FRMPD3: variants seen among roughly 807,000 people sequenced by gnomAD.
FRMPD3 encodes the protein FERM and PDZ domain containing 3.
In FRMPD3, 42 loss-of-function variants were observed where a neutral mutation model predicts 97.9. The observed-to-expected ratio is 0.43, with a 90% CI of 0.34 to 0.55. The LOEUF (loss-of-function observed/expected upper bound fraction) is 0.55, where lower values mean the gene tolerates loss of function less well. FRMPD3 is among the 20% of genes least tolerant of loss of function. The probability of loss-of-function intolerance (pLI) is 0.03; values close to 1 mark genes in which losing one functional copy is unlikely to be tolerated. For missense variants in FRMPD3, 1,303 were observed against 1,457.7 expected, an observed-to-expected ratio of 0.89 and a Z score of 1.73; for synonymous variants, 577 against 581.1, an observed-to-expected ratio of 0.99 and a Z score of 0.10.
intron 4 of FRMPD3, among the ~76,000 whole-genome samples, chrX:107,539,969 C>T (rs1414467544): frequency 3.6e-5 from 4 of 111,466 alleles, no homozygotes; most frequent in Non-Finnish European, 7.5e-5. Flanking sequence ...GTCAAAGGGA[C>T]ACTCTAGACC....
rs772094352 is a variant in FRMPD3, at chrX:107,472,360, G to A, written c.-8+22355G>A. 4.5e-5 allele frequency among the ~76,000 whole-genome samples: 5 copies of A among 111,409 alleles called. No homozygotes were observed. The East Asian group carries it at 1.4e-3, about 31-fold the overall frequency. ...TTGCTTTTGGTGTTTTAGTCATGAA[G>A]TCTTTGCCCATGCCTATGTCCTGAA... On this transcript the variant is annotated intron_variant, in intron 1 of 14. Coordinates refer to ENST00000683843, the MANE Select transcript of FRMPD3 (RefSeq NM_001388459.1).
At chrX:107,515,449 C>G (rs139542116) in intron 1 of FRMPD3, among the ~76,000 whole-genome samples, 2,875 of 110,826 alleles carry the variant, frequency 0.026, 87 homozygotes, top group African/African-American at 0.088. Flanking sequence ...GAGGCCAATG[C>G]GGACCTTAAC....
At chrX:107,594,203 T>A (rs933950312) in intron 13 of FRMPD3, among the ~76,000 whole-genome samples, 1 of 112,028 alleles carries the variant, frequency 8.9e-6, no homozygotes, top group African/African-American at 3.2e-5. Flanking sequence ...TTGTGTACAT[T>A]GATTTTGTAT....
intron 12 of FRMPD3, among the ~76,000 whole-genome samples, chrX:107,572,757 C>A (rs1269633985): frequency 9.2e-6 from 1 of 109,112 alleles, no homozygotes; most frequent in Non-Finnish European, 1.9e-5. Flanking sequence ...ATAAAAAAGC[C>A]TTCAGGGTCA....
At chrX:107,476,951 G>A (rs1921214891) in intron 1 of FRMPD3, among the ~76,000 whole-genome samples, 1 of 111,983 alleles carries the variant, frequency 8.9e-6, no homozygotes, top group South Asian at 3.7e-4. Flanking sequence ...CCGTTGGCTG[G>A]GATTACTTCA....
chrX:107,510,795 G>A (rs973842898), intron 1 of FRMPD3, among the ~76,000 whole-genome samples: 6 of 112,200 alleles, frequency 5.3e-5, no homozygotes, highest in Non-Finnish European at 9.4e-5. Context: ...AGTTTACCAG[G>A]CCTCTGTTCA....
At position 107,604,953 on chromosome X, in the gene FRMPD3, C is replaced by T. The variant is rs141022455; in HGVS notation, c.*1580C>T. 774 of 110,076 alleles carry T rather than the reference C, an allele frequency of 7.0e-3. 5 individuals are homozygous for T. Among genetic ancestry groups the T allele is most frequent in the Non-Finnish European group, 0.011 (568 of 52,789 alleles). 9.1% of individuals were successfully genotyped at this position (110,076 alleles called of 1,213,427 possible). A position where few individuals can be genotyped will look rare whatever the true frequency, so the allele number is the denominator to read the frequency against. ...CCCTCACTTCCTTGCTTCTCCTCCC[C>T]CAGGACCAAGTTGTTGAATGGGCCA... On this transcript the variant is annotated 3_prime_UTR_variant, in exon 15 of 15. Coordinates refer to ENST00000683843, the MANE Select transcript of FRMPD3 (RefSeq NM_001388459.1).
At chrX:107,488,776 C>T in intron 1 of FRMPD3, among the ~76,000 whole-genome samples, 1 of 111,064 alleles carries the variant, frequency 9.0e-6, no homozygotes, top group African/African-American at 3.3e-5. Context: ...AAAAAACAAA[C>T]AAACAAACAA....
intron 13 of FRMPD3, among the ~76,000 whole-genome samples, chrX:107,578,210 A>G (rs1259742234): frequency 8.9e-6 from 1 of 111,941 alleles, no homozygotes; most frequent in Non-Finnish European, 1.9e-5. Context: ...GTGACAGTGA[A>G]GATTATTTGG....
chrX:107,571,175 G>A (rs1283774120), intron 12 of FRMPD3, among the ~76,000 whole-genome samples: 1 of 111,969 alleles, frequency 8.9e-6, no homozygotes, highest in Non-Finnish European at 1.9e-5. Flanking sequence ...TTGTGGCCCA[G>A]TATGTGTCCT....
intron 13 of FRMPD3, among the ~76,000 whole-genome samples, chrX:107,592,872 G>A (rs758737200): frequency 1.8e-4 from 18 of 97,582 alleles, no homozygotes; most frequent in East Asian, 3.2e-4. Flanking sequence ...TCCACCTTCC[G>A]TGTTCAAGCC....
At chrX:107,554,348 AT>A (rs772630287) in intron 7 of FRMPD3, 36 bp from the exon 8 acceptor site, 1 of 1,190,212 alleles carries the variant, frequency 8.4e-7, no homozygotes, top group Non-Finnish European at 1.1e-6. Flanking sequence ...TTGATTCCAG[AT>A]CTCTTTTCTT....
chrX:107,573,276 G>C (rs1262649123), intron 12 of FRMPD3, among the ~76,000 whole-genome samples: 1 of 110,998 alleles, frequency 9.0e-6, no homozygotes, highest in Non-Finnish European at 1.9e-5. Context: ...AGTAGGGATG[G>C]CCGCGATGTG....
At chrX:107,450,035 C>G (rs1286236210) in intron 1 of FRMPD3, among the ~76,000 whole-genome samples, 30 bp downstream of exon 1, 2 of 110,454 alleles carry the variant, frequency 1.8e-5, no homozygotes, top group Non-Finnish European at 3.8e-5. Flanking sequence ...CAGGGGGGCG[C>G]GCCCGCTGTC....
In FRMPD3 at chrX:107,592,367, T is replaced by C. The variant is rs916298920; in HGVS notation, c.1442-4954T>C. 2.7e-5 allele frequency among the ~76,000 whole-genome samples: 3 copies of C among 111,879 alleles called. No homozygotes were observed. The Admixed American group carries it at 2.9e-4, about 11-fold the overall frequency. ...ATGTGTCCAATCTCATCAACCACAT[T>C]AAAAAAATTTTTTAATATTCATTTA... On this transcript the variant is annotated intron_variant, in intron 13 of 14. Transcript: ENST00000683843.
intron 8 of FRMPD3, among the ~76,000 whole-genome samples, chrX:107,557,310 T>C (rs769610706): frequency 2.7e-5 from 3 of 111,646 alleles, no homozygotes; most frequent in Admixed American, 9.5e-5. Flanking sequence ...TGCTTTTTTA[T>C]TGGGTTGTTT....
chrX:107,530,232 C>CA (rs1922878101), intron 2 of FRMPD3, among the ~76,000 whole-genome samples, 177 bp from the exon 3 acceptor site: 1 of 112,166 alleles, frequency 8.9e-6, no homozygotes. Context: ...GCAGCAGCAG[C>CA]GGCAGCAACA....
chrX:107,602,228 A>G lies in FRMPD3; in HGVS notation c.4189A>G (p.Ile1397Val), dbSNP rs1482751489. ...NYRKLMRRYSISELDQGDRAS... is the reference protein window; with the variant it reads ...NYRKLMRRYSVSELDQGDRAS... Reference sequence around the variant, plus strand: ...CAGGAAACTGATGCGCCGCTACAGTATCAGTGAGCTGGACCAGGGTGACAG... The same window carrying G: ...CAGGAAACTGATGCGCCGCTACAGTGTCAGTGAGCTGGACCAGGGTGACAG... Residue 1397 changes from isoleucine (I) to valine (V), a missense_variant, in exon 15 of 15, where the codon ATC (isoleucine) becomes GTC (valine). Ile to Val is a conservative substitution (Grantham distance 29, BLOSUM62 3). This residue lies in a region of FRMPD3 where 764 missense variants were observed against 820.2 expected (regional missense o/e 0.93). Coordinates refer to ENST00000683843, the MANE Select transcript of FRMPD3 (RefSeq NM_001388459.1). 2 of 1,210,133 alleles carry G rather than the reference A, an allele frequency of 1.7e-6. No individual in the cohort carries two copies. The highest frequency in any genetic ancestry group is 3.0e-5 in the East Asian group (1 of 33,834).
rs1357089495 is a variant in FRMPD3 at position 107,597,421 on chromosome X, C to T, written c.1542C>T (p.Ser514=). The T allele has an allele frequency of 1.7e-6, 2 of 1,208,915 alleles. No individual in the cohort carries two copies. Among genetic ancestry groups the T allele is most frequent in the African/African-American group, 3.5e-5 (2 of 57,216 alleles). ...GSVGTSPRKS[S]RCTPPPADSE... is the part of the protein sequence containing the mutation. The stretch of plus-strand genomic sequence containing the variant: ...TGGGCACCAGCCCCAGGAAATCGAG[C>T]CGCTGCACGCCCCCACCTGCCGACT... Residue 514 remains serine, a synonymous_variant, in exon 14 of 15, where the codon AGC becomes AGT. Transcript: ENST00000683843.
Sources: gnomAD v4.1 joint callset for allele counts (sites outside exome capture counted in the v4.1 genomes callset) on GRCh38, gnomAD v4.1.1 for gene constraint, gnomAD v4.1.1 regional missense constraint, MANE v1.5 for transcripts, NCBI Gene and HGNC (gene_info 2026-07-23, HGNC 2026-07-21) for gene names.